DGCR2: variants seen among roughly 807,000 people sequenced by gnomAD.
DGCR2 encodes DiGeorge syndrome critical region gene 2.
DGCR2 carries 24 observed loss-of-function variants against 51.6 expected under a neutral mutation model. The ratio of observed to expected loss-of-function variants is 0.47; its 90% CI spans 0.34 to 0.65. The LOEUF (loss-of-function observed/expected upper bound fraction) is 0.65, where lower values mean the gene tolerates loss of function less well. Ranked by LOEUF, DGCR2 falls within the 30% of genes least tolerant of loss-of-function variation. DGCR2 has a pLI of 0.01. For synonymous variants in DGCR2, 340 were observed against 315.4 expected, an observed-to-expected ratio of 1.08 and a Z score of -0.82; for missense variants, 765 against 772.1, an observed-to-expected ratio of 0.99 and a Z score of 0.11.
intron 7 of DGCR2, among the ~76,000 whole-genome samples, chr22:19,042,451 CA>C (rs533901821): frequency 5.9e-5 from 9 of 152,216 alleles, no homozygotes; most frequent in Non-Finnish European, 1.2e-4. Context: ...AGTTGCCCAG[CA>C]AGAATGAGCC....
chr22:19,057,073 A>G lies in DGCR2; in HGVS notation c.715T>C (p.Phe239Leu). The change falls in exon 6 of 10, where the codon TTC (phenylalanine) becomes CTC (leucine). Residue 239 changes from phenylalanine (F) to leucine (L), a missense_variant. Phe to Leu is a conservative substitution (Grantham distance 22). This residue lies in a region of DGCR2 where 190 missense variants were observed against 265.2 expected (regional missense o/e 0.72). Coordinates refer to ENST00000263196, the MANE Select transcript of DGCR2 (RefSeq NM_005137.3). The surrounding 1 kb of genome is among the most constrained non-coding windows in gnomAD (Gnocchi z 5.1). ...TGGTGCCGCAGGGTGGGGAAATGGA[A>G]GCACTGAAGCTGGGCACAGAACACG... ...DNVFCAQLQCFHFPTLRHHDL... is the reference protein window; with the variant it reads ...DNVFCAQLQCLHFPTLRHHDL... 1 of 1,603,482 alleles carries G rather than the reference A, an allele frequency of 6.2e-7. No homozygotes were observed. Among genetic ancestry groups the G allele is most frequent in the Non-Finnish European group, 8.5e-7 (1 of 1,175,128 alleles).
Position 19,065,051 on chromosome 22 carries a change from G to A in DGCR2, c.345C>T (p.Cys115=). The A allele has an allele frequency of 7.4e-6, 12 of 1,613,892 alleles. No individual in the cohort carries two copies. The highest frequency in any genetic ancestry group is 2.2e-5 in the East Asian group (1 of 44,864). ...PVRFSSFLGK[C]PTGWHHYEGT... ...CTTCGTAGTGGTGCCACCCTGTCGG[G>A]CACTTCCCTAGGAAACATAAAGGAC... Residue 115 remains cysteine (C), a synonymous_variant, in exon 4 of 10, where the codon TGC becomes TGT. Transcript: ENST00000263196.
At position 19,068,100 on chromosome 22, in the gene DGCR2, T is replaced by C. The variant is rs779975855; in HGVS notation, c.328A>G (p.Ser110Gly). ...VNVAQPVRFS[S>G]FLGKCPTGWH... Reference sequence around the variant, plus strand: ...CAGTCAGGGCAGGTCTGCAACTTACTGCTGAAGCGAACGGGCTGCGCCACG... The same window carrying C: ...CAGTCAGGGCAGGTCTGCAACTTACCGCTGAAGCGAACGGGCTGCGCCACG... Residue 110 changes from serine (S) to glycine (G), a missense_variant and splice_region_variant, in exon 3 of 10, where the codon AGT (serine) becomes GGT (glycine). Physicochemically the swap from Ser to Gly is moderately conservative, Grantham distance 56. Coordinates refer to ENST00000263196, the MANE Select transcript of DGCR2 (RefSeq NM_005137.3). The C allele has an allele frequency of 1.9e-6, 3 of 1,577,884 alleles. No homozygotes were observed. The highest frequency in any genetic ancestry group is 2.6e-6 in the Non-Finnish European group (3 of 1,163,716).
chr22:19,092,249 C>G (rs2083086704), intron 1 of DGCR2, among the ~76,000 whole-genome samples: 1 of 151,840 alleles, frequency 6.6e-6, no homozygotes, highest in African/African-American at 2.4e-5. Context: ...GAGGCTAAGG[C>G]AGGAGAATCG....
Position 19,037,537 on chromosome 22 carries a change from G to C in DGCR2, c.*1328C>G, listed in dbSNP as rs1412736120. The C allele has an allele frequency of 1.3e-5, 2 of 152,348 alleles. No individual in the cohort carries two copies. The highest frequency in any genetic ancestry group is 2.9e-5 in the Non-Finnish European group (2 of 68,186). The allele number at this position is 152,348 out of a possible 1,614,324, so 9.4% of individuals were successfully genotyped here. A position where few individuals can be genotyped will look rare whatever the true frequency, so the allele number is the denominator to read the frequency against. On this transcript the variant is annotated 3_prime_UTR_variant, in exon 10 of 10. Transcript: ENST00000263196. The stretch of plus-strand genomic sequence containing the variant: ...GATGCATCGATGACCCTGGAAGAGT[G>C]GGCCCCCAGTGACCCGTGAAGTTCC...
intron 2 of DGCR2, among the ~76,000 whole-genome samples, chr22:19,083,078 C>T (rs1356869020): frequency 6.9e-6 from 1 of 145,108 alleles, no homozygotes; most frequent in South Asian, 2.3e-4. Flanking sequence ...CAGAGCCAGA[C>T]CTTGTCTCAA....
In DGCR2 at chr22:19,112,559, A is replaced by G. The variant is rs1375400274; in HGVS notation, c.79+9569T>C. Among the ~76,000 whole-genome samples the G allele has an allele frequency of 2.8e-5, 4 of 143,048 alleles. 1 individual carries two copies. The highest frequency in any genetic ancestry group is 7.7e-5 in the African/African-American group (3 of 38,914). The allele number at this position is 143,048 out of a possible 152,430, so 93.8% of individuals were successfully genotyped here. A position where few individuals can be genotyped will look rare whatever the true frequency, so the allele number is the denominator to read the frequency against. On this transcript the variant is annotated intron_variant, in intron 1 of 9. Coordinates refer to ENST00000263196, the MANE Select transcript of DGCR2 (RefSeq NM_005137.3). ...TGGGCTCAAACGATCCTCCCACCTC[A>G]GTCCCCTCCAAGTAGCTGGGACTAC...
intron 5 of DGCR2, among the ~76,000 whole-genome samples, chr22:19,062,510 C>A (rs1601531249): frequency 6.6e-6 from 1 of 152,172 alleles, no homozygotes; most frequent in East Asian, 1.9e-4. Flanking sequence ...GAACCCAAAT[C>A]CTAGCTCAAG....
intron 7 of DGCR2, among the ~76,000 whole-genome samples, chr22:19,042,732 C>T (rs1421238267): frequency 6.6e-6 from 1 of 152,170 alleles, no homozygotes; most frequent in Non-Finnish European, 1.5e-5. Flanking sequence ...GTATAAGGTA[C>T]ACTTGGGACT....
Position 19,041,965 on chromosome 22 carries a change from G to C in DGCR2, c.1007-6C>G, listed in dbSNP as rs760142055. The C allele has an allele frequency of 3.1e-6, 5 of 1,611,318 alleles. No individual in the cohort carries two copies. The highest frequency in any genetic ancestry group is 4.2e-6 in the Non-Finnish European group (5 of 1,179,102). On this transcript the variant is annotated splice_polypyrimidine_tract_variant and splice_region_variant and intron_variant, in intron 7 of 9. Coordinates refer to ENST00000263196, the MANE Select transcript of DGCR2 (RefSeq NM_005137.3). ...GTCAAACAGACTGTTGCCATCTGAGGGGGAGGGGAGGAAATGGCCGCTCTG... is the reference window on the plus strand; with the variant it reads ...GTCAAACAGACTGTTGCCATCTGAGCGGGAGGGGAGGAAATGGCCGCTCTG...
At chr22:19,115,821 C>T (rs1273631771) in intron 1 of DGCR2, among the ~76,000 whole-genome samples, 1 of 152,204 alleles carries the variant, frequency 6.6e-6, no homozygotes, top group Non-Finnish European at 1.5e-5. Flanking sequence ...GCAGACACTC[C>T]TCAGAGCCAC....
In DGCR2 at chr22:19,070,529, G is replaced by T. The variant is rs541515726; in HGVS notation, c.203-2304C>A. On this transcript the variant is annotated intron_variant, in intron 2 of 9. Coordinates refer to ENST00000263196, the MANE Select transcript of DGCR2 (RefSeq NM_005137.3). ...AAAGACAAGATGAACTGAGGGCAGA[G>T]GAAAGGGAAGAGAAAGAAGAGATAA... 7.9e-5 allele frequency among the ~76,000 whole-genome samples: 12 copies of T among 152,292 alleles called. No individual in the cohort carries two copies. In the South Asian group the frequency reaches 2.5e-3, roughly 32 times the overall value.
At chr22:19,040,256 A>T (rs2082416359) in intron 9 of DGCR2, among the ~76,000 whole-genome samples, 1 of 152,198 alleles carries the variant, frequency 6.6e-6, no homozygotes, top group Non-Finnish European at 1.5e-5. Context: ...GCACCCCCAG[A>T]TCATGCAAGA....
At chr22:19,073,266 C>CA (rs1041093196) in intron 2 of DGCR2, among the ~76,000 whole-genome samples, 29 of 149,262 alleles carry the variant, frequency 1.9e-4, no homozygotes, top group Admixed American at 1.2e-3. Context: ...GTCACACACA[C>CA]AAAAAAAAAC....
intron 1 of DGCR2, among the ~76,000 whole-genome samples, chr22:19,109,914 G>A (rs900902639): frequency 8.5e-5 from 13 of 152,234 alleles, no homozygotes; most frequent in African/African-American, 3.1e-4. Flanking sequence ...AGCAAGACTA[G>A]AAATCTGACG....
intron 3 of DGCR2, 46 bp downstream of exon 3, chr22:19,068,054 G>A: frequency 6.6e-7 from 1 of 1,507,846 alleles, no homozygotes; most frequent in Non-Finnish European, 8.8e-7. Flanking sequence ...GGTCATGTCA[G>A]GCTTGCACTC....
At chr22:19,066,677 G>A (rs1235194563) in intron 3 of DGCR2, among the ~76,000 whole-genome samples, 4 of 152,208 alleles carry the variant, frequency 2.6e-5, no homozygotes, top group African/African-American at 9.6e-5. Flanking sequence ...AGGCATGGAG[G>A]GAAGGAGACA....
chr22:19,076,322 G>A (rs927910045), intron 2 of DGCR2, among the ~76,000 whole-genome samples: 14 of 149,438 alleles, frequency 9.4e-5, no homozygotes, highest in African/African-American at 2.8e-4. Flanking sequence ...CACCATACTC[G>A]GCTAATTTTT....
chr22:19,074,789 T>C (rs976486918), intron 2 of DGCR2, among the ~76,000 whole-genome samples: 1 of 152,150 alleles, frequency 6.6e-6, no homozygotes, highest in Non-Finnish European at 1.5e-5. Context: ...CCTCTACAGA[T>C]CTGGGATGCC....
Sources: gnomAD v4.1 joint callset for allele counts (sites outside exome capture counted in the v4.1 genomes callset) on GRCh38, gnomAD v4.1.1 for gene constraint, gnomAD v4.1.1 regional missense constraint, Gnocchi (gnomAD v3.1) non-coding constraint, MANE v1.5 for transcripts, NCBI Gene and HGNC (gene_info 2026-07-23, HGNC 2026-07-21) for gene names.